Variants in TRMT11 observed in about 807,000 individuals in gnomAD.
TRMT11 encodes the protein tRNA (guanine(10)-N(2))-methyltransferase TRMT11.
In TRMT11, 53 loss-of-function variants were observed where a neutral mutation model predicts 62.8. That is an observed-to-expected ratio of 0.84 (90% CI 0.68 to 1.06). TRMT11 has a LOEUF of 1.06. Among genes scored for constraint, TRMT11 ranks in the 50% least tolerant of loss-of-function variants. TRMT11 has a pLI of 0.00. For missense variants in TRMT11, 556 were observed against 553.4 expected (o/e 1.00, Z -0.05); for synonymous variants, 188 against 190.3 (o/e 0.99, Z 0.10).
chr6:125,999,153 T>C (rs910717140), intron 6 of TRMT11, among the ~76,000 whole-genome samples: 5 of 152,136 alleles, frequency 3.3e-5, no homozygotes, highest in Non-Finnish European at 5.9e-5. Context: ...TTGTGACTTA[T>C]GTTAGAGATT....
chr6:126,181,334 C>T (rs1324081971), intron 1 of TRMT11, among the ~76,000 whole-genome samples: 1 of 152,084 alleles, frequency 6.6e-6, no homozygotes, highest in Non-Finnish European at 1.5e-5. Flanking sequence ...AATCCCAAAC[C>T]CTAATAGTTG....
chr6:126,006,758 A>G (rs910880803), intron 7 of TRMT11: 7 of 151,942 alleles, frequency 4.6e-5, no homozygotes, highest in Non-Finnish European at 1.0e-4. Flanking sequence ...ATTTATTATG[A>G]TTTTATTTAA....
chr6:126,187,175 T>G (rs1778536944), intron 1 of TRMT11, among the ~76,000 whole-genome samples: 1 of 151,936 alleles, frequency 6.6e-6, no homozygotes, highest in African/African-American at 2.4e-5. Context: ...AATAAAACAT[T>G]TTATTTGTAG....
In TRMT11 at chr6:126,039,200, G is replaced by A. The variant is rs1369662929; in HGVS notation, c.*364G>A. 6.5e-6 allele frequency: 1 copy of A among 154,788 alleles called. No individual in the cohort carries two copies. Among genetic ancestry groups the A allele is most frequent in the Non-Finnish European group, 1.4e-5 (1 of 70,066 alleles). The allele number at this position is 154,788 out of a possible 1,614,324, so 9.6% of individuals were successfully genotyped here. Reference sequence around the variant, plus strand: ...ATAGTAGTTAAGAATTTATTCATTTGGTAGATATGTTTATTTGGTTTTTGG... The same window carrying A: ...ATAGTAGTTAAGAATTTATTCATTTAGTAGATATGTTTATTTGGTTTTTGG... On this transcript the variant is annotated 3_prime_UTR_variant, in exon 13 of 13. Transcript: ENST00000334379.
intron 17 of TRMT11, among the ~76,000 whole-genome samples, chr6:126,066,255 C>T (rs1467753784): frequency 6.6e-6 from 1 of 152,178 alleles, no homozygotes; most frequent in Non-Finnish European, 1.5e-5. Context: ...GTGAGTGAAT[C>T]ACAAGTCCAG....
rs147227327 is a variant in TRMT11, at chr6:126,166,597, C to A, written c.*1824-8228C>A. Among the ~76,000 whole-genome samples the A allele has an allele frequency of 4.1e-3, 622 of 152,312 alleles. 5 individuals carry two copies. The highest frequency in any genetic ancestry group is 0.014 in the African/African-American group (596 of 41,562). ...ACAGGATGCACGGGGGTCAAGGACC[C>A]ACTTGAGGAGGCAGTCTGTCCCTTA... On this transcript the variant is annotated intron_variant and NMD_transcript_variant, in intron 21 of 22. Coordinates refer to the TRMT11 transcript ENST00000648977.
At chr6:125,996,968 G>C (rs1179396039) in intron 3 of TRMT11, among the ~76,000 whole-genome samples, 1 of 152,120 alleles carries the variant, frequency 6.6e-6, no homozygotes, top group East Asian at 1.9e-4. Flanking sequence ...AAATAAAAAT[G>C]ACTAGAAAAC....
At chr6:126,089,832 AT>A (rs1279246322) in intron 17 of TRMT11, among the ~76,000 whole-genome samples, 2 of 152,174 alleles carry the variant, frequency 1.3e-5, no homozygotes, top group African/African-American at 2.4e-5. Context: ...AATTCATGGG[AT>A]TTTTTTCCAA....
chr6:126,204,433 G>A (rs1204873101), downstream of TRMT11, among the ~76,000 whole-genome samples: 2 of 152,286 alleles, frequency 1.3e-5, no homozygotes, highest in East Asian at 3.9e-4. Context: ...GGGAGAGAAG[G>A]TATTGTATAT....
chr6:126,214,597 G>A, the TRMT11 span, among the ~76,000 whole-genome samples: 3 of 151,740 alleles, frequency 2.0e-5, no homozygotes, highest in South Asian at 2.1e-4. Context: ...TTTCATCTCT[G>A]ATTTAATTTA....
the TRMT11 span, among the ~76,000 whole-genome samples, chr6:126,250,742 G>A: frequency 5.9e-5 from 9 of 152,076 alleles, no homozygotes; most frequent in Non-Finnish European, 1.2e-4. Flanking sequence ...AATGTTTGAG[G>A]CATACTTGAC....
chr6:126,019,752 CA>C (rs1795549029), intron 11 of TRMT11, among the ~76,000 whole-genome samples: 1 of 152,130 alleles, frequency 6.6e-6, no homozygotes, highest in Non-Finnish European at 1.5e-5. Flanking sequence ...GCCTCGGCAA[CA>C]GAGCAAGATC....
chr6:126,013,201 T>C (rs1794498872), intron 11 of TRMT11, 100 bp downstream of exon 11: 16 of 1,076,844 alleles, frequency 1.5e-5, no homozygotes, highest in Non-Finnish European at 2.0e-5. Flanking sequence ...GGTGCATCTT[T>C]ATATTTAATT....
At chr6:126,108,817 A>C (rs1777494364) in intron 17 of TRMT11, among the ~76,000 whole-genome samples, 2 of 152,160 alleles carry the variant, frequency 1.3e-5, no homozygotes, top group Admixed American at 6.5e-5. Context: ...TCTTGAATTT[A>C]ATTGGCTTCT....
Position 126,151,867 on chromosome 6 carries a change from C to CT in TRMT11, c.*1824-22956dup, listed in dbSNP as rs1562334850. 4.9e-4 allele frequency among the ~76,000 whole-genome samples: 9 copies of CT among 18,396 alleles called. 1 individual carries two copies. Among genetic ancestry groups the CT allele is most frequent in the South Asian group, 1.7e-3 (1 of 602 alleles). The allele number at this position is 18,396 out of a possible 152,430, so 12.1% of individuals were successfully genotyped here. On this transcript the variant is annotated intron_variant and NMD_transcript_variant, in intron 21 of 22. Transcript: ENST00000648977. ...CTTTCTTTCTTTCTTTCTTTCTTTC[C>CT]TTCTTTCTCCTTCCTTCCTTGTCTT...
chr6:126,261,984 C>T, the TRMT11 span, among the ~76,000 whole-genome samples: 17 of 152,294 alleles, frequency 1.1e-4, no homozygotes, highest in African/African-American at 4.1e-4. Flanking sequence ...TTGTGCCAGG[C>T]ATGGGTTTGT....
chr6:126,112,022 A>G (rs1317366788), intron 17 of TRMT11, among the ~76,000 whole-genome samples: 4 of 152,130 alleles, frequency 2.6e-5, no homozygotes, highest in Non-Finnish European at 5.9e-5. Context: ...CTAAACTCCT[A>G]AGAACTAAGC....
At chr6:126,106,122 T>C (rs1368701660) in intron 17 of TRMT11, among the ~76,000 whole-genome samples, 5 of 151,964 alleles carry the variant, frequency 3.3e-5, no homozygotes, top group Non-Finnish European at 7.4e-5. Flanking sequence ...TATATCTTAA[T>C]GTTTTTTTGA....
At chr6:126,106,149 A>AT (rs370882461) in intron 17 of TRMT11, among the ~76,000 whole-genome samples, 7,452 of 142,320 alleles carry the variant, frequency 0.052, 358 homozygotes, top group African/African-American at 0.12. Context: ...TTCCAGTTGG[A>AT]TTTTTTTTTT....
Sources: allele counts gnomAD v4.1 joint callset (sites outside exome capture counted in the v4.1 genomes callset), GRCh38; gene constraint gnomAD v4.1.1; transcripts MANE v1.5; gene names NCBI Gene and HGNC (gene_info 2026-07-23, HGNC 2026-07-21).